Variants in BCAS3 observed in about 807,000 individuals in gnomAD.
BCAS3 encodes the protein BCAS4/BCAS3 fusion.
A neutral mutation model predicts 116.1 loss-of-function variants in BCAS3; 53 were observed. The observed-to-expected ratio is 0.46, with a 90% CI of 0.37 to 0.57. The LOEUF (loss-of-function observed/expected upper bound fraction) is 0.57, where lower values mean the gene tolerates loss of function less well. BCAS3 is among the 20% of genes least tolerant of loss of function. The pLI is 0.00. For synonymous variants in BCAS3, 391 were observed against 408.2 expected (o/e 0.96, Z 0.51); for missense variants, 917 against 1,165.4 (o/e 0.79, Z 3.10).
At chr17:61,060,165 C>T (rs937169956) in intron 19 of BCAS3, among the ~76,000 whole-genome samples, 3 of 151,792 alleles carry the variant, frequency 2.0e-5, no homozygotes, top group Non-Finnish European at 4.4e-5. Flanking sequence ...CTTGCTCTGT[C>T]GCCCAGGCTG....
intron 14 of BCAS3, among the ~76,000 whole-genome samples, chr17:60,955,490 C>T (rs1282516305): frequency 6.6e-6 from 1 of 150,998 alleles, no homozygotes; most frequent in Non-Finnish European, 1.5e-5. Flanking sequence ...CTGGTTCAAG[C>T]GATTCTCCTG....
At chr17:60,769,058 G>T (rs2044390309) in intron 6 of BCAS3, among the ~76,000 whole-genome samples, 1 of 152,212 alleles carries the variant, frequency 6.6e-6, no homozygotes, top group Non-Finnish European at 1.5e-5. Flanking sequence ...GGCAGGTTGT[G>T]TTGGCCCAAC....
chr17:60,752,158 GT>G (rs2042533257), intron 6 of BCAS3, among the ~76,000 whole-genome samples: 4 of 130,872 alleles, frequency 3.1e-5, no homozygotes, highest in African/African-American at 1.6e-4. Flanking sequence ...GCTGAAGGGT[GT>G]GTGTGTGTGT....
intron 13 of BCAS3, among the ~76,000 whole-genome samples, chr17:60,944,200 A>G (rs990361785): frequency 6.6e-6 from 1 of 152,014 alleles, no homozygotes. Flanking sequence ...GGTTAACCTT[A>G]AAAAGACCTT....
chr17:61,162,619 C>T lies in BCAS3; in HGVS notation c.2425+78055C>T, dbSNP rs891303769. Among the ~76,000 whole-genome samples, 1 of 152,126 alleles carries T rather than the reference C, an allele frequency of 6.6e-6. No individual in the cohort carries two copies. Among genetic ancestry groups the T allele is most frequent in the African/African-American group, 2.4e-5 (1 of 41,422 alleles). ...TGGACTCTGCATTTATTTTAGCAGACTTCCCCAATAACATTTTGCAGTTTT... is the reference window on the plus strand; with the variant it reads ...TGGACTCTGCATTTATTTTAGCAGATTTCCCCAATAACATTTTGCAGTTTT... On this transcript the variant is annotated intron_variant, in intron 22 of 23. Coordinates refer to ENST00000407086, the MANE Select transcript of BCAS3 (RefSeq NM_017679.5). This position sits in a 1 kb window ranked among gnomAD's most constrained non-coding sequence, Gnocchi z 5.6.
chr17:61,392,266 C>T lies in BCAS3; in HGVS notation c.*141C>T. The T allele has an allele frequency of 9.7e-7, 1 of 1,032,286 alleles. No homozygotes were observed. Among genetic ancestry groups the T allele is most frequent in the Non-Finnish European group, 1.4e-6 (1 of 723,626 alleles). 63.9% of individuals were successfully genotyped at this position (1,032,286 alleles called of 1,614,324 possible). On this transcript the variant is annotated 3_prime_UTR_variant, in exon 24 of 24. Transcript: ENST00000407086. This position sits in a 1 kb window ranked among gnomAD's most constrained non-coding sequence, Gnocchi z 6.4. ...AGCTTAGTGACAGCAGCCGCCCATC[C>T]TACCTGGATGGAGAAGAGACCCTTC...
chr17:60,811,605 G>T (rs536684088), intron 7 of BCAS3: 3 of 327,906 alleles, frequency 9.1e-6, no homozygotes, highest in South Asian at 8.5e-5. Context: ...TATTATAAAT[G>T]TGTTCTAAGA....
intron 22 of BCAS3, among the ~76,000 whole-genome samples, chr17:61,149,389 T>G (rs1357485234): frequency 6.6e-6 from 1 of 152,232 alleles, no homozygotes; most frequent in Non-Finnish European, 1.5e-5. Flanking sequence ...TTATATATTT[T>G]GATCTTTATA....
rs762900618 is a variant in BCAS3, at chr17:61,136,493, T to G, written c.2425+51929T>G. On this transcript the variant is annotated intron_variant, in intron 22 of 23. Coordinates refer to ENST00000407086, the MANE Select transcript of BCAS3 (RefSeq NM_017679.5). This position sits in a 1 kb window ranked among gnomAD's most constrained non-coding sequence, Gnocchi z 4.4. The stretch of plus-strand genomic sequence containing the variant: ...GAACCCCTGGCCTCTACCCGTTAGA[T>G]AGCAGCACGCCCCCTTCCCTCAGAT... 2.6e-5 allele frequency among the ~76,000 whole-genome samples: 4 copies of G among 152,208 alleles called. No homozygotes were observed. The highest frequency in any genetic ancestry group is 4.4e-5 in the Non-Finnish European group (3 of 68,030).
chr17:61,330,910 C>G (rs2056221493), intron 22 of BCAS3, among the ~76,000 whole-genome samples: 1 of 152,232 alleles, frequency 6.6e-6, no homozygotes, highest in Admixed American at 6.5e-5. Flanking sequence ...TAATCATTGT[C>G]ATTGTGTGAC....
intron 9 of BCAS3, among the ~76,000 whole-genome samples, chr17:60,880,590 A>G (rs2056035440): frequency 6.6e-6 from 1 of 152,076 alleles, no homozygotes. Context: ...GCCTAGCCAT[A>G]TGCCACATTT....
chr17:61,310,455 G>A (rs1272170078), intron 22 of BCAS3, among the ~76,000 whole-genome samples: 2 of 152,028 alleles, frequency 1.3e-5, no homozygotes, highest in African/African-American at 2.4e-5. Context: ...CTGGGAGGCT[G>A]AGGCAGGAGA....
At chr17:60,889,859 T>C in intron 10 of BCAS3, 88 bp downstream of exon 10, 1 of 1,194,966 alleles carries the variant, frequency 8.4e-7, no homozygotes, top group East Asian at 2.4e-5. Flanking sequence ...CATAGTTGAT[T>C]ACCAATAATA....
At position 61,023,472 on chromosome 17, in the gene BCAS3, A is replaced by G. The variant is rs995738754; in HGVS notation, c.1637+7571A>G. Among the ~76,000 whole-genome samples the G allele has an allele frequency of 1.3e-5, 2 of 152,222 alleles. No individual in the cohort carries two copies. Among genetic ancestry groups the G allele is most frequent in the Non-Finnish European group, 2.9e-5 (2 of 68,024 alleles). On this transcript the variant is annotated intron_variant, in intron 16 of 23. Transcript: ENST00000407086. This position sits in a 1 kb window ranked among gnomAD's most constrained non-coding sequence, Gnocchi z 4.8. Reference sequence around the variant, plus strand: ...ACTTCTTTAACTCTGGAGATGATTGAACAGAATTGTTACTAATACCTTTTA... The same window carrying G: ...ACTTCTTTAACTCTGGAGATGATTGGACAGAATTGTTACTAATACCTTTTA...
chr17:60,920,849 G>T lies in BCAS3; in HGVS notation c.994-3558G>T, dbSNP rs549775962. On this transcript the variant is annotated intron_variant, in intron 12 of 23. Coordinates refer to ENST00000407086, the MANE Select transcript of BCAS3 (RefSeq NM_017679.5). ...CATGCCACTGCACTCCAGCCTGGGC[G>T]ACAGAGCAAGACTCCATCGCAAACA... Among the ~76,000 whole-genome samples the T allele has an allele frequency of 4.6e-5, 7 of 151,284 alleles. No individual in the cohort carries two copies. The South Asian group carries it at 1.5e-3, about 32-fold the overall frequency.
intron 22 of BCAS3, among the ~76,000 whole-genome samples, chr17:61,187,182 TGTAA>T (rs747271992): frequency 6.6e-6 from 1 of 152,238 alleles, no homozygotes; most frequent in African/African-American, 2.4e-5. Context: ...AAACCAAGAC[TGTAA>T]GTGTTATCAA....
chr17:61,147,825 A>G (rs1050181753), intron 22 of BCAS3, among the ~76,000 whole-genome samples: 8 of 152,072 alleles, frequency 5.3e-5, no homozygotes, highest in African/African-American at 1.9e-4. Context: ...CATCTCTACT[A>G]AAAATACAAA....
intron 15 of BCAS3, 99 bp from the exon 16 acceptor site, chr17:61,015,652 T>C: frequency 1.6e-6 from 2 of 1,237,912 alleles, no homozygotes; most frequent in Non-Finnish European, 2.3e-6. Context: ...ATGCCTTTCT[T>C]AAATGATTAC....
In BCAS3 at chr17:61,194,855, C is replaced by G. The variant is rs552603135; in HGVS notation, c.2425+110291C>G. On this transcript the variant is annotated intron_variant, in intron 22 of 23. Coordinates refer to ENST00000407086, the MANE Select transcript of BCAS3 (RefSeq NM_017679.5). ...ATGCCTATATTAGGAAATATCTTCA[C>G]TTTCCATCTCCAGCTCCCCTATTTG... Among the ~76,000 whole-genome samples, 13 of 152,116 alleles carry G rather than the reference C, an allele frequency of 8.5e-5. No individual in the cohort carries two copies. In the South Asian group the frequency reaches 2.7e-3, roughly 32 times the overall value.
Sources: gnomAD v4.1 joint callset for allele counts (sites outside exome capture counted in the v4.1 genomes callset) on GRCh38, gnomAD v4.1.1 for gene constraint, Gnocchi (gnomAD v3.1) non-coding constraint, MANE v1.5 for transcripts, NCBI Gene and HGNC (gene_info 2026-07-23, HGNC 2026-07-21) for gene names.